ZNF490: variants seen among roughly 807,000 people sequenced by gnomAD.
ZNF490 encodes zinc finger protein 490.
Under a neutral mutation model 17.7 loss-of-function variants are expected in ZNF490, and 11 were observed. The observed-to-expected ratio is 0.62, with a 90% CI of 0.39 to 1.03. The LOEUF (loss-of-function observed/expected upper bound fraction) is 1.03, where lower values mean the gene tolerates loss of function less well. Among genes scored for constraint, ZNF490 ranks in the 50% least tolerant of loss-of-function variants. The pLI is 0.00. For missense variants in ZNF490, 542 were observed against 643.4 expected (o/e 0.84, Z 1.71); for synonymous variants, 222 against 216.1 (o/e 1.03, Z -0.24).
At position 12,578,378 on chromosome 19, in the gene ZNF490, G is replaced by C. The variant is rs2145135667; in HGVS notation, c.*2107C>G. The C allele has an allele frequency of 1.0e-6, 1 of 985,620 alleles. No individual in the cohort carries two copies. 61.1% of individuals were successfully genotyped at this position (985,620 alleles called of 1,614,324 possible). A position where few individuals can be genotyped will look rare whatever the true frequency, so the allele number is the denominator to read the frequency against. ...GTTGGTGCAGGGCTGGTAACCGCAGGAGAGTGGATGCTGTGTGGTCAAGGG... is the reference window on the plus strand; with the variant it reads ...GTTGGTGCAGGGCTGGTAACCGCAGCAGAGTGGATGCTGTGTGGTCAAGGG... On this transcript the variant is annotated 3_prime_UTR_variant, in exon 5 of 5. Coordinates refer to ENST00000311437, the MANE Select transcript of ZNF490 (RefSeq NM_020714.3).
intron 2 of ZNF490, among the ~76,000 whole-genome samples, chr19:12,595,762 C>T (rs1191707111): frequency 6.6e-6 from 1 of 151,862 alleles, no homozygotes; most frequent in African/African-American, 2.4e-5. Flanking sequence ...CCAGCCTGGC[C>T]AACCTGGCGA....
At position 12,586,690 on chromosome 19, in the gene ZNF490, CT is replaced by C. The variant is rs1227812773; in HGVS notation, c.163-3135del. Among the ~76,000 whole-genome samples, 28 of 89,264 alleles carry C rather than the reference CT, an allele frequency of 3.1e-4. 5 individuals carry two copies. Among genetic ancestry groups the C allele is most frequent in the East Asian group, 1.0e-3 (5 of 4,788 alleles). 58.6% of individuals were successfully genotyped at this position (89,264 alleles called of 152,430 possible). On this transcript the variant is annotated intron_variant, in intron 2 of 4. Transcript: ENST00000311437. ...ATCAGACCAGAAATTTATTTCTTTT[CT>C]TTTTTTTTTGAGACAGAGTCTTACT...
chr19:12,597,249 G>C (rs1296769882), intron 2 of ZNF490: 3 of 452,972 alleles, frequency 6.6e-6, no homozygotes, highest in East Asian at 7.0e-5. Context: ...CAGACAGTCC[G>C]AGGCTGGGAC....
At chr19:12,581,817 C>T in intron 4 of ZNF490, 93 bp from the exon 5 acceptor site, 1 of 1,203,548 alleles carries the variant, frequency 8.3e-7, no homozygotes, top group Non-Finnish European at 1.1e-6. Flanking sequence ...AATATTTTCA[C>T]AGAAACTGTA....
At chr19:12,599,887 G>A (rs1453355693) in intron 2 of ZNF490, among the ~76,000 whole-genome samples, 1 of 151,910 alleles carries the variant, frequency 6.6e-6, no homozygotes, top group Admixed American at 6.6e-5. Context: ...AGTTAAAGGG[G>A]GTATTATCCA....
intron 2 of ZNF490, among the ~76,000 whole-genome samples, chr19:12,598,971 A>G (rs2022968184): frequency 2.0e-5 from 3 of 148,836 alleles, no homozygotes; most frequent in Non-Finnish European, 4.5e-5. Context: ...TGGGCAACAG[A>G]GCGAGACTCC....
Position 12,581,447 on chromosome 19 carries a change from G to T in ZNF490, c.628C>A (p.Arg210=), listed in dbSNP as rs151177681. ...GKTFTRSSSI[R]THERIHTGEK... is the part of the protein sequence containing the mutation. ...CCAGTGTGAATTCTTTCATGGGTTC[G>T]AATACTGGAGCTGCGAGTGAAGGTT... Residue 210 remains arginine, a synonymous_variant, in exon 5 of 5, where the codon CGA becomes AGA. Coordinates refer to ENST00000311437, the MANE Select transcript of ZNF490 (RefSeq NM_020714.3). 345 of 1,614,094 alleles carry T rather than the reference G, an allele frequency of 2.1e-4. No homozygotes were observed. The highest frequency in any genetic ancestry group is 2.8e-4 in the Non-Finnish European group (329 of 1,180,054).
intron 2 of ZNF490, among the ~76,000 whole-genome samples, chr19:12,598,930 T>C (rs996230864): frequency 4.7e-5 from 7 of 149,702 alleles, no homozygotes; most frequent in Non-Finnish European, 1.5e-5. Flanking sequence ...GAGGTTGCGG[T>C]GAGCCGAGAC....
rs568203525 is a variant in ZNF490 at position 12,603,074 on chromosome 19, AC to A, written c.162+6083del. 2.2e-4 allele frequency among the ~76,000 whole-genome samples: 34 copies of A among 152,082 alleles called. No homozygotes were observed. In the East Asian group the frequency reaches 6.0e-3, roughly 27 times the overall value. On this transcript the variant is annotated intron_variant, in intron 2 of 4. Coordinates refer to ENST00000311437, the MANE Select transcript of ZNF490 (RefSeq NM_020714.3). ...GAGAGAGGGTATCATTTTGAGTACC[AC>A]CCCCCAGTTTGGTGGAAAAGAAAGT...
At chr19:12,590,172 C>T (rs1486240850) in intron 2 of ZNF490, among the ~76,000 whole-genome samples, 3 of 151,312 alleles carry the variant, frequency 2.0e-5, no homozygotes, top group Non-Finnish European at 4.4e-5. Context: ...GTCTCAGCCT[C>T]CCAAAGTGCT....
chr19:12,610,529 A>G (rs992414638), intron 1 of ZNF490, 35 bp downstream of exon 1: 1 of 1,509,540 alleles, frequency 6.6e-7, no homozygotes, highest in Non-Finnish European at 9.2e-7. Flanking sequence ...CTATTCCACG[A>G]GAGGCCTTAC....
chr19:12,581,789 T>A, intron 4 of ZNF490, 65 bp from the exon 5 acceptor site: 1 of 1,358,568 alleles, frequency 7.4e-7, no homozygotes, highest in Non-Finnish European at 1.0e-6. Flanking sequence ...TATTAGCAAG[T>A]ACCAGAATTA....
At chr19:12,605,392 G>T (rs1379893979) in intron 2 of ZNF490, among the ~76,000 whole-genome samples, 1 of 151,136 alleles carries the variant, frequency 6.6e-6, no homozygotes, top group Non-Finnish European at 1.5e-5. Context: ...GATGAGGGAG[G>T]ATCGCTTGAT....
At chr19:12,601,945 G>C (rs1005822748) in intron 2 of ZNF490, among the ~76,000 whole-genome samples, 2 of 151,214 alleles carry the variant, frequency 1.3e-5, no homozygotes, top group African/African-American at 4.9e-5. Flanking sequence ...AGTGAGCCGA[G>C]ATCGCACCAC....
In ZNF490 at chr19:12,577,928, C is replaced by G. The variant is rs1045703904; in HGVS notation, c.*2557G>C. ...AGGACAGACCCGACCCCTATCGTGC[C>G]TATGCAATTCAGAAAACGGAGAATT... is the stretch of plus-strand genomic sequence containing the variant. On this transcript the variant is annotated 3_prime_UTR_variant, in exon 5 of 5. Coordinates refer to ENST00000311437, the MANE Select transcript of ZNF490 (RefSeq NM_020714.3). 2.5e-5 allele frequency: 25 copies of G among 985,318 alleles called. No individual in the cohort carries two copies. The highest frequency in any genetic ancestry group is 2.9e-5 in the Non-Finnish European group (24 of 829,964). 61.0% of individuals were successfully genotyped at this position (985,318 alleles called of 1,614,324 possible).
rs1440772057 is a variant in ZNF490 at position 12,609,097 on chromosome 19, A to G, written c.162+61T>C. 9 of 1,556,902 alleles carry G rather than the reference A, an allele frequency of 5.8e-6. No homozygotes were observed. In the East Asian group the frequency reaches 2.0e-4, roughly 35 times the overall value. ...CCACAAAGAGGTCATAGAAGGACAG[A>G]CCCAAATGGTCATTATAAACAAGGA... On this transcript the variant is annotated intron_variant, in intron 2 of 4. Transcript: ENST00000311437.
Position 12,577,311 on chromosome 19 carries a change from G to C in ZNF490, c.*3174C>G, listed in dbSNP as rs979288009. 6.6e-6 allele frequency among the ~76,000 whole-genome samples: 1 copy of C among 152,120 alleles called. No individual in the cohort carries two copies. The highest frequency in any genetic ancestry group is 1.9e-4 in the East Asian group (1 of 5,204). ...TTCTCACTCCCATTCCTGTAGCAGAGATACCCCTTAGTTCCCCAATACCTA... is the reference window on the plus strand; with the variant it reads ...TTCTCACTCCCATTCCTGTAGCAGACATACCCCTTAGTTCCCCAATACCTA... On this transcript the variant is annotated 3_prime_UTR_variant, in exon 5 of 5. Transcript: ENST00000311437.
intron 2 of ZNF490, among the ~76,000 whole-genome samples, chr19:12,601,389 A>G (rs1215870693): frequency 1.3e-5 from 2 of 150,414 alleles, no homozygotes; most frequent in Admixed American, 6.6e-5. Flanking sequence ...CTCCGTCTGA[A>G]AAAAAAAAAA....
At position 12,583,054 on chromosome 19, in the gene ZNF490, T is replaced by A. The variant is rs558586980; in HGVS notation, c.290-144A>T. The A allele has an allele frequency of 7.1e-4, 550 of 778,346 alleles. 1 individual carries two copies. Among genetic ancestry groups the A allele is most frequent in the Non-Finnish European group, 9.8e-4 (500 of 509,512 alleles). 48.2% of individuals were successfully genotyped at this position (778,346 alleles called of 1,614,324 possible). On this transcript the variant is annotated intron_variant, in intron 3 of 4. Coordinates refer to ENST00000311437, the MANE Select transcript of ZNF490 (RefSeq NM_020714.3). ...AGTATTCTCTTCCCACATTTTTTTT[T>A]TTTTTTTGAGACAGAGTCTCGCTGT... is the stretch of plus-strand genomic sequence containing the variant.
Sources: gnomAD v4.1 joint callset for allele counts (sites outside exome capture counted in the v4.1 genomes callset) on GRCh38, gnomAD v4.1.1 for gene constraint, MANE v1.5 for transcripts, NCBI Gene and HGNC (gene_info 2026-07-23, HGNC 2026-07-21) for gene names.